Variants in KCTD20 observed in about 807,000 individuals in gnomAD.
KCTD20 encodes potassium channel tetramerization domain containing 20, also known as BTB/POZ domain-containing protein KCTD20.
In KCTD20, 30 loss-of-function variants were observed where a neutral mutation model predicts 39.6. That is an observed-to-expected ratio of 0.76 (90% CI 0.57 to 1.03). KCTD20 has a LOEUF of 1.03. KCTD20 is among the 50% of genes least tolerant of loss of function. The pLI is 0.00. For missense variants in KCTD20, 422 were observed against 522.0 expected (o/e 0.81, Z 1.87); for synonymous variants, 162 against 180.6 (o/e 0.90, Z 0.83).
intron 2 of KCTD20, among the ~76,000 whole-genome samples, chr6:36,473,019 G>A (rs1476506544): frequency 6.6e-6 from 1 of 151,350 alleles, no homozygotes; most frequent in Non-Finnish European, 1.5e-5. Context: ...TCCTGCCTCA[G>A]CCTCCTGATA....
chr6:36,448,015 G>GTA lies in KCTD20; in HGVS notation c.-47+4928_-47+4929dup, dbSNP rs70975158. The stretch of plus-strand genomic sequence containing the variant: ...CCAAAATATATGTGTATGTGTGTGT[G>GTA]TATATATATATATATATATATATAT... On this transcript the variant is annotated intron_variant, in intron 1 of 7. Transcript: ENST00000373731. Among the ~76,000 whole-genome samples the GTA allele has an allele frequency of 4.1e-3, 523 of 128,940 alleles. 3 individuals carry two copies. The highest frequency in any genetic ancestry group is 0.025 in the East Asian group (121 of 4,750). The allele number at this position is 128,940 out of a possible 152,430, so 84.6% of individuals were successfully genotyped here. A position where few individuals can be genotyped will look rare whatever the true frequency, so the allele number is the denominator to read the frequency against.
At chr6:36,464,837 T>C (rs1561949415) in intron 1 of KCTD20, among the ~76,000 whole-genome samples, 1 of 152,208 alleles carries the variant, frequency 6.6e-6, no homozygotes, top group Non-Finnish European at 1.5e-5. Flanking sequence ...TTGGCAAAGA[T>C]ATAACTACTT....
chr6:36,455,839 C>T (rs1196796340), intron 1 of KCTD20, among the ~76,000 whole-genome samples: 1 of 152,128 alleles, frequency 6.6e-6, no homozygotes, highest in African/African-American at 2.4e-5. Flanking sequence ...ATCAGGCCCA[C>T]CCAGATTATC....
chr6:36,451,686 C>CA (rs1298143453), intron 1 of KCTD20: 1 of 152,326 alleles, frequency 6.6e-6, no homozygotes, highest in African/African-American at 2.4e-5. Context: ...AACGAGGTCT[C>CA]ACTGTGTTGT....
intron 1 of KCTD20, among the ~76,000 whole-genome samples, chr6:36,457,088 G>A (rs1310167734): frequency 3.9e-5 from 6 of 152,020 alleles, no homozygotes; most frequent in Non-Finnish European, 7.4e-5. Flanking sequence ...GTGAGCCACC[G>A]TGCCCGGCCT....
intron 5 of KCTD20, 38 bp downstream of exon 5, chr6:36,479,749 C>A: frequency 7.5e-7 from 1 of 1,336,216 alleles, no homozygotes; most frequent in Non-Finnish European, 1.0e-6. Flanking sequence ...ACTTAAGCAG[C>A]TGAACTTTCA....
At position 36,489,628 on chromosome 6, in the gene KCTD20, A is replaced by C. The variant is rs1192144410; in HGVS notation, c.*2453A>C. ...TTCTGCAAAAGCAGGACCTCACAGA[A>C]ACAAGGGCTGGGTTGAGGTCACCCC... On this transcript the variant is annotated 3_prime_UTR_variant, in exon 8 of 8. Transcript: ENST00000373731. The C allele has an allele frequency of 6.6e-6, 1 of 152,256 alleles. No homozygotes were observed. Among genetic ancestry groups the C allele is most frequent in the Non-Finnish European group, 1.5e-5 (1 of 68,074 alleles). 9.4% of individuals were successfully genotyped at this position (152,256 alleles called of 1,614,324 possible). A position where few individuals can be genotyped will look rare whatever the true frequency, so the allele number is the denominator to read the frequency against.
intron 3 of KCTD20, 125 bp from the exon 4 acceptor site, chr6:36,478,996 G>A (rs1582363313): frequency 1.5e-6 from 1 of 649,568 alleles, no homozygotes; most frequent in South Asian, 1.9e-5. Context: ...TTCCAGTGCT[G>A]TGTTTTTAAT....
At chr6:36,484,178 T>A (rs1776349038) in intron 6 of KCTD20, among the ~76,000 whole-genome samples, 1 of 152,114 alleles carries the variant, frequency 6.6e-6, no homozygotes, top group Admixed American at 6.6e-5. Context: ...TCAACTGATC[T>A]GCCTGCCTCG....
In KCTD20 at chr6:36,479,670, G is replaced by T. The variant is rs1236300819; in HGVS notation, c.617G>T (p.Cys206Phe). 1.9e-6 allele frequency: 3 copies of T among 1,608,578 alleles called. No homozygotes were observed. The highest frequency in any genetic ancestry group is 1.3e-5 in the African/African-American group (1 of 74,636). The part of the protein sequence containing the change: ...PDLRDTCDYL[C>F]INFDFNTIRC... ...CTTAGAGATACTTGTGATTATCTCT[G>T]CATTAATTTTGACTTCAACACTATC... The change falls in exon 5 of 8, where the codon TGC becomes TTC. Residue 206 changes from cysteine (C) to phenylalanine (F), a missense_variant. Cys to Phe is a radical substitution (Grantham distance 205). Transcript: ENST00000373731.
rs560310738 is a variant in KCTD20 at position 36,489,869 on chromosome 6, A to G, written c.*2694A>G. ...TATCATGCTGTTTTGATGAGGAAAC[A>G]TTTGCCACTGAGGAGTTGGAGGGAG... On this transcript the variant is annotated 3_prime_UTR_variant, in exon 8 of 8. Coordinates refer to ENST00000373731, the MANE Select transcript of KCTD20 (RefSeq NM_173562.5). The G allele has an allele frequency of 1.3e-5, 2 of 152,306 alleles. No homozygotes were observed. The highest frequency in any genetic ancestry group is 2.9e-5 in the Non-Finnish European group (2 of 68,010). The allele number at this position is 152,306 out of a possible 1,614,324, so 9.4% of individuals were successfully genotyped here.
At chr6:36,447,155 C>T (rs186016173) in intron 1 of KCTD20, among the ~76,000 whole-genome samples, 1 of 152,246 alleles carries the variant, frequency 6.6e-6, no homozygotes, top group Admixed American at 6.5e-5. Flanking sequence ...GGTTCAAATC[C>T]TGACTCCTCC....
At position 36,469,561 on chromosome 6, in the gene KCTD20, G is replaced by A. The variant is rs1775852560; in HGVS notation, c.-46-491G>A. The stretch of plus-strand genomic sequence containing the variant: ...AAGGAGAACTTGAGCTCTACAATCA[G>A]AATTAGCTTTTTTCTTCAGCTCAGA... On this transcript the variant is annotated intron_variant, in intron 1 of 7. Coordinates refer to ENST00000373731, the MANE Select transcript of KCTD20 (RefSeq NM_173562.5). The surrounding 1 kb of genome is among the most constrained non-coding windows in gnomAD (Gnocchi z 4.6). 1.3e-5 allele frequency among the ~76,000 whole-genome samples: 2 copies of A among 152,180 alleles called. No homozygotes were observed. Among genetic ancestry groups the A allele is most frequent in the Admixed American group, 1.3e-4 (2 of 15,268 alleles).
rs898911006 is a variant in KCTD20, at chr6:36,490,542, A to C, written c.*3367A>C. On this transcript the variant is annotated 3_prime_UTR_variant, in exon 8 of 8. Coordinates refer to ENST00000373731, the MANE Select transcript of KCTD20 (RefSeq NM_173562.5). ...ACAGAGCAAGACTCCATCTCAAAAAAGAAAAAAAAAAATTAAAGGTTTTGG... is the reference window on the plus strand; with the variant it reads ...ACAGAGCAAGACTCCATCTCAAAAACGAAAAAAAAAAATTAAAGGTTTTGG... 4.4e-5 allele frequency: 6 copies of C among 135,300 alleles called. No individual in the cohort carries two copies. The highest frequency in any genetic ancestry group is 1.5e-4 in the African/African-American group (5 of 32,532). The allele number at this position is 135,300 out of a possible 1,614,324, so 8.4% of individuals were successfully genotyped here.
In KCTD20 at chr6:36,489,702, A is replaced by T. The variant is rs1189559891; in HGVS notation, c.*2527A>T. On this transcript the variant is annotated 3_prime_UTR_variant, in exon 8 of 8. Coordinates refer to ENST00000373731, the MANE Select transcript of KCTD20 (RefSeq NM_173562.5). The stretch of plus-strand genomic sequence containing the variant: ...ATGGGTAAGAGGCATTTGTAATTTT[A>T]AAAATGTGAAACTTGGGTTTGGTGT... 7.7e-6 allele frequency: 1 copy of T among 130,538 alleles called. No individual in the cohort carries two copies. Among genetic ancestry groups the T allele is most frequent in the Non-Finnish European group, 1.8e-5 (1 of 54,864 alleles). 8.1% of individuals were successfully genotyped at this position (130,538 alleles called of 1,614,324 possible).
chr6:36,466,442 T>TACAATCAC (rs1775757452), intron 1 of KCTD20, among the ~76,000 whole-genome samples: 1 of 149,246 alleles, frequency 6.7e-6, no homozygotes, highest in Non-Finnish European at 1.5e-5. Flanking sequence ...AGTGCAGTGG[T>TACAATCAC]ACAATCACAG....
In KCTD20 at chr6:36,490,995, G is replaced by C. The variant is rs1306513947; in HGVS notation, c.*3820G>C. On this transcript the variant is annotated 3_prime_UTR_variant, in exon 8 of 8. Coordinates refer to ENST00000373731, the MANE Select transcript of KCTD20 (RefSeq NM_173562.5). ...TCTGGGTGGGATCACTAGTGCAGGA[G>C]AACATTACATTTTCTTCTGAAGGCA... 6.6e-6 allele frequency: 1 copy of C among 152,190 alleles called. No individual in the cohort carries two copies. The highest frequency in any genetic ancestry group is 1.5e-5 in the Non-Finnish European group (1 of 68,030). 9.4% of individuals were successfully genotyped at this position (152,190 alleles called of 1,614,324 possible).
chr6:36,462,405 A>G (rs180959165), intron 1 of KCTD20, among the ~76,000 whole-genome samples: 1 of 152,352 alleles, frequency 6.6e-6, no homozygotes, highest in East Asian at 1.9e-4. Flanking sequence ...GTTGTGATTC[A>G]GCTTCTCATC....
At chr6:36,453,386 T>G (rs1276019390) in intron 1 of KCTD20, among the ~76,000 whole-genome samples, 3 of 152,198 alleles carry the variant, frequency 2.0e-5, no homozygotes, top group African/African-American at 7.2e-5. Context: ...AGCTTGTGTT[T>G]TCTTTTACAT....
Sources: allele counts gnomAD v4.1 joint callset (sites outside exome capture counted in the v4.1 genomes callset), GRCh38; gene constraint gnomAD v4.1.1; non-coding constraint Gnocchi (gnomAD v3.1); transcripts MANE v1.5; gene names NCBI Gene and HGNC (gene_info 2026-07-23, HGNC 2026-07-21).